The following ERBB4 variants were observed in gnomAD, a reference collection of about 807,000 sequenced individuals.
The protein encoded by ERBB4 is erb-b2 receptor tyrosine kinase 4.
ERBB4 carries 42 observed loss-of-function variants against 158.0 expected under a neutral mutation model. The ratio of observed to expected loss-of-function variants is 0.27; its 90% CI spans 0.21 to 0.34. The LOEUF is 0.34. Ranked by LOEUF, ERBB4 falls within the 10% of genes least tolerant of loss-of-function variation. The pLI is 1.00. For missense variants in ERBB4, 1,333 were observed against 1,624.1 expected, an observed-to-expected ratio of 0.82 and a Z score of 3.08; for synonymous variants, 583 against 558.7, an observed-to-expected ratio of 1.04 and a Z score of -0.61.
chr2:211,637,121 T>G (rs946699217), intron 16 of ERBB4, among the ~76,000 whole-genome samples: 1 of 151,926 alleles, frequency 6.6e-6, no homozygotes, highest in Admixed American at 6.6e-5. Flanking sequence ...TCATCCTATA[T>G]CCTATCTTTC....
intron 20 of ERBB4, among the ~76,000 whole-genome samples, chr2:211,506,813 C>G (rs1365198828): frequency 6.6e-6 from 1 of 151,854 alleles, no homozygotes; most frequent in Non-Finnish European, 1.5e-5. Flanking sequence ...AGAAAAATCT[C>G]AAATATAATG....
chr2:211,775,335 T>C (rs978286445), intron 4 of ERBB4, among the ~76,000 whole-genome samples: 24 of 152,232 alleles, frequency 1.6e-4, no homozygotes, highest in African/African-American at 4.8e-4. Flanking sequence ...TAATAGATTA[T>C]GCAGAAGGTA....
intron 1 of ERBB4, among the ~76,000 whole-genome samples, chr2:212,290,577 T>C (rs1475818629): frequency 3.3e-5 from 5 of 152,150 alleles, no homozygotes; most frequent in Non-Finnish European, 5.9e-5. Context: ...GGACAAGATC[T>C]CTTATTTTCT....
intron 1 of ERBB4, among the ~76,000 whole-genome samples, chr2:212,400,677 TTGAGGA>T (rs1430779203): frequency 3.3e-5 from 5 of 152,140 alleles, no homozygotes; most frequent in Admixed American, 1.3e-4. Flanking sequence ...ACTGAAGCTA[TTGAGGA>T]GAGCAATATT....
intron 2 of ERBB4, among the ~76,000 whole-genome samples, chr2:212,103,616 A>G (rs555243230): frequency 6.6e-6 from 1 of 152,166 alleles, no homozygotes; most frequent in Non-Finnish European, 1.5e-5. Context: ...GGGAGGACAT[A>G]CACCAAATTT....
intron 1 of ERBB4, among the ~76,000 whole-genome samples, chr2:212,139,707 A>G (rs1328984367): frequency 1.3e-5 from 2 of 152,016 alleles, no homozygotes; most frequent in Admixed American, 6.6e-5. Context: ...TGTGCAAAAC[A>G]TATTTTCTAG....
At chr2:211,741,698 T>C (rs532141438) in intron 5 of ERBB4, among the ~76,000 whole-genome samples, 132 of 152,284 alleles carry the variant, frequency 8.7e-4, no homozygotes, top group Admixed American at 2.2e-3. Context: ...TATATACCTT[T>C]ATGCCCCTGA....
intron 19 of ERBB4, among the ~76,000 whole-genome samples, chr2:211,570,819 G>GCGGA (rs1020067957): frequency 3.9e-5 from 6 of 152,008 alleles, no homozygotes; most frequent in Middle Eastern, 3.4e-3. Flanking sequence ...TTTGAGATCC[G>GCGGA]GTTTTTCTGC....
In ERBB4 at chr2:211,621,508, T is replaced by C. The variant is rs966762442; in HGVS notation, c.2203-2233A>G. Among the ~76,000 whole-genome samples, 6 of 152,152 alleles carry C rather than the reference T, an allele frequency of 3.9e-5. No homozygotes were observed. The South Asian group carries it at 1.2e-3, about 31-fold the overall frequency. ...AATTTCAATTAGGGTAAAACACTCA[T>C]GCACAATAGACAAATAAATGCTCTT... On this transcript the variant is annotated intron_variant, in intron 18 of 27. Coordinates refer to ENST00000342788, the MANE Select transcript of ERBB4 (RefSeq NM_005235.3).
intron 25 of ERBB4, among the ~76,000 whole-genome samples, chr2:211,416,459 A>G (rs1035581776): frequency 6.6e-6 from 1 of 152,228 alleles, no homozygotes; most frequent in Admixed American, 6.5e-5. Flanking sequence ...GACTGAATAT[A>G]CAAAGGGACA....
intron 1 of ERBB4, among the ~76,000 whole-genome samples, chr2:212,258,540 G>T (rs1007873084): frequency 6.7e-6 from 1 of 149,926 alleles, no homozygotes; most frequent in Non-Finnish European, 1.5e-5. Flanking sequence ...GTAATAAAAG[G>T]TAAATTTTAA....
intron 1 of ERBB4, among the ~76,000 whole-genome samples, chr2:212,251,456 T>C (rs13426487): frequency 0.21 from 31,407 of 151,794 alleles, 3,645 homozygotes; most frequent in African/African-American, 0.27. Flanking sequence ...ACAGACACGA[T>C]AGGTAAAACA....
At chr2:211,808,992 T>G (rs1159568414) in intron 3 of ERBB4, among the ~76,000 whole-genome samples, 10 of 152,250 alleles carry the variant, frequency 6.6e-5, no homozygotes, top group Admixed American at 6.5e-4. Flanking sequence ...CCTGAGACTT[T>G]GCTGAAGTTG....
chr2:211,465,576 A>G (rs2064660021), intron 20 of ERBB4, among the ~76,000 whole-genome samples: 1 of 152,136 alleles, frequency 6.6e-6, no homozygotes, highest in African/African-American at 2.4e-5. Flanking sequence ...TTGAAGCCTA[A>G]ATGACAGTTA....
intron 19 of ERBB4, among the ~76,000 whole-genome samples, chr2:211,570,051 A>G (rs2067667806): frequency 6.6e-6 from 1 of 152,222 alleles, no homozygotes; most frequent in Non-Finnish European, 1.5e-5. Context: ...ATGTTAGAGA[A>G]AGGCACAGAT....
At chr2:211,418,118 T>G (rs1366078609) in intron 25 of ERBB4, among the ~76,000 whole-genome samples, 1 of 151,926 alleles carries the variant, frequency 6.6e-6, no homozygotes, top group Non-Finnish European at 1.5e-5. Flanking sequence ...GTCTATCACA[T>G]ATGCTTAAGA....
intron 19 of ERBB4, among the ~76,000 whole-genome samples, chr2:211,586,902 T>G (rs2068297216): frequency 6.6e-6 from 1 of 152,198 alleles, no homozygotes; most frequent in Admixed American, 6.5e-5. Flanking sequence ...GATTAAATGA[T>G]GTCTCCCAAG....
intron 1 of ERBB4, among the ~76,000 whole-genome samples, chr2:212,468,619 A>G (rs1011955991): frequency 6.6e-6 from 1 of 152,178 alleles, no homozygotes; most frequent in African/African-American, 2.4e-5. Flanking sequence ...TCTCAGGTAT[A>G]TCTTTATCAG....
At chr2:211,657,145 G>T (rs2071245431) in intron 16 of ERBB4, among the ~76,000 whole-genome samples, 1 of 151,820 alleles carries the variant, frequency 6.6e-6, no homozygotes, top group South Asian at 2.1e-4. Flanking sequence ...ATCATCTATT[G>T]AATTAAGAGC....
Sources: gnomAD v4.1 joint callset for allele counts (sites outside exome capture counted in the v4.1 genomes callset) on GRCh38, gnomAD v4.1.1 for gene constraint, MANE v1.5 for transcripts, NCBI Gene and HGNC (gene_info 2026-07-23, HGNC 2026-07-21) for gene names.